The following HMG20B variants were observed in gnomAD, a reference collection of about 807,000 sequenced individuals.
HMG20B encodes the protein high mobility group 20B.
Under a neutral mutation model 41.6 loss-of-function variants are expected in HMG20B, and 24 were observed. The observed-to-expected ratio is 0.58, with a 90% confidence interval of 0.42 to 0.81. The LOEUF (loss-of-function observed/expected upper bound fraction) is 0.81. Among genes scored for constraint, HMG20B ranks in the 30% least tolerant of loss-of-function variants. The pLI, the probability that HMG20B is intolerant of heterozygous loss-of-function variation, is 0.00. For synonymous variants in HMG20B, 251 were observed against 186.6 expected, an observed-to-expected ratio of 1.34 and a Z score of -2.81; for missense variants, 461 against 444.0, an observed-to-expected ratio of 1.04 and a Z score of -0.34.
At chr19:3,576,776 G>A (rs2032170364) in intron 7 of HMG20B, 116 bp from the exon 8 acceptor site, 1 of 1,303,586 alleles carries the variant, frequency 7.7e-7, no homozygotes, top group Non-Finnish European at 1.1e-6. Context: ...GGCTGATGTG[G>A]AGCAGGAGGC....
rs761106950 is a variant in HMG20B at position 3,578,768 on chromosome 19, CCCT to C, written c.*252_*254del. ...AGAAGAACCTCACAGCCGAGGGTGCCCCTCCTCGGAGGACAGCCACGCGCTACA... is the reference window on the plus strand; with the variant it reads ...AGAAGAACCTCACAGCCGAGGGTGCCCCTCGGAGGACAGCCACGCGCTACA... On this transcript the variant is annotated 3_prime_UTR_variant, in exon 10 of 10. Coordinates refer to ENST00000333651, the MANE Select transcript of HMG20B (RefSeq NM_006339.3). 4.0e-6 allele frequency: 3 copies of C among 750,538 alleles called. No individual in the cohort carries two copies. The highest frequency in any genetic ancestry group is 7.2e-6 in the Non-Finnish European group (3 of 415,936). The allele number at this position is 750,538 out of a possible 1,614,324, so 46.5% of individuals were successfully genotyped here.
chr19:3,578,483 T>G, intron 9 of HMG20B, 26 bp from the exon 10 acceptor site: 1 of 1,519,314 alleles, frequency 6.6e-7, no homozygotes, highest in Non-Finnish European at 8.8e-7. Flanking sequence ...GAGGGCCTCA[T>G]CCCGGGCCCT....
intron 5 of HMG20B, 120 bp from the exon 6 acceptor site, chr19:3,576,141 G>C (rs1236459312): frequency 1.2e-6 from 1 of 817,808 alleles, no homozygotes; most frequent in African/African-American, 1.7e-5. Context: ...GATGGGGGAT[G>C]CCCAGACGCG....
rs770110185 is a variant in HMG20B at position 3,578,723 on chromosome 19, A to C, written c.*202A>C. 2.5e-6 allele frequency: 2 copies of C among 797,706 alleles called. No individual in the cohort carries two copies. Among genetic ancestry groups the C allele is most frequent in the Non-Finnish European group, 4.3e-6 (2 of 462,786 alleles). The allele number at this position is 797,706 out of a possible 1,614,324, so 49.4% of individuals were successfully genotyped here. On this transcript the variant is annotated 3_prime_UTR_variant, in exon 10 of 10. Coordinates refer to ENST00000333651, the MANE Select transcript of HMG20B (RefSeq NM_006339.3). ...CCAGCCCCCTGAACCCGGAAAAAGC[A>C]CTCGCTGCGCGATACACCCAGAAGA...
At chr19:3,575,126 G>A (rs947550188) in intron 4 of HMG20B, among the ~76,000 whole-genome samples, 2 of 152,134 alleles carry the variant, frequency 1.3e-5, no homozygotes, top group Non-Finnish European at 1.5e-5. Flanking sequence ...GATTTTTTGC[G>A]AAACCCGATT....
intron 8 of HMG20B, among the ~76,000 whole-genome samples, 187 bp downstream of exon 8, chr19:3,577,294 C>A (rs1393230924): frequency 1.3e-5 from 2 of 148,420 alleles, no homozygotes; most frequent in African/African-American, 2.5e-5. Flanking sequence ...CCTCCCCGAC[C>A]CCCGCACCCC....
intron 7 of HMG20B, 101 bp from the exon 8 acceptor site, chr19:3,576,791 G>A (rs1422233475): frequency 5.2e-6 from 7 of 1,354,542 alleles, no homozygotes; most frequent in Admixed American, 2.0e-5. Context: ...GGAGGCAGAG[G>A]GCGCAGTGAG....
At position 3,574,606 on chromosome 19, in the gene HMG20B, G is replaced by C; in HGVS notation, c.351+20G>C. On this transcript the variant is annotated intron_variant, in intron 4 of 9. Transcript: ENST00000333651. Reference sequence around the variant, plus strand: ...AAGCAGGTGGGCGGGGCGGGGCGCCGAGCAGGGCTGGCGGGGTCCACGGAC... The same window carrying C: ...AAGCAGGTGGGCGGGGCGGGGCGCCCAGCAGGGCTGGCGGGGTCCACGGAC... 6.4e-7 allele frequency: 1 copy of C among 1,569,022 alleles called. No homozygotes were observed. The highest frequency in any genetic ancestry group is 8.6e-7 in the Non-Finnish European group (1 of 1,160,846).
At position 3,578,877 on chromosome 19, in the gene HMG20B, C is replaced by T. The variant is rs769563467; in HGVS notation, c.*356C>T. 3 of 544,894 alleles carry T rather than the reference C, an allele frequency of 5.5e-6. No individual in the cohort carries two copies. The highest frequency in any genetic ancestry group is 2.2e-5 in the Admixed American group (1 of 45,936). The allele number at this position is 544,894 out of a possible 1,614,324, so 33.8% of individuals were successfully genotyped here. A position where few individuals can be genotyped will look rare whatever the true frequency, so the allele number is the denominator to read the frequency against. On this transcript the variant is annotated 3_prime_UTR_variant, in exon 10 of 10. Transcript: ENST00000333651. ...ACGGCAGGACCCCCCAAATTACTCA[C>T]TACGGGGGGCTGTGCCATAGGCCAC...
rs554162055 is a variant in HMG20B, at chr19:3,576,597, C to T, written c.564C>T (p.Phe188=). 1.2e-6 allele frequency: 2 copies of T among 1,613,608 alleles called. No individual in the cohort carries two copies. Among genetic ancestry groups the T allele is most frequent in the East Asian group, 2.2e-5 (1 of 44,874 alleles). Residue 188 remains phenylalanine (F), a synonymous_variant, in exon 7 of 10, where the codon TTC becomes TTT. Transcript: ENST00000333651. ...DGFSTFDVPI[F]TEEFLDQNKA... is the part of the protein sequence containing the mutation. ...TCTCCACCTTCGATGTTCCCATCTT[C>T]ACTGAAGAGTTCTTGGACCAAAACA...
intron 2 of HMG20B, 65 bp downstream of exon 2, chr19:3,573,412 C>T: frequency 7.0e-7 from 1 of 1,428,782 alleles, no homozygotes; most frequent in East Asian, 2.8e-5. Flanking sequence ...AGCTCCTGAA[C>T]CCCTGACCCA....
chr19:3,574,325 C>G (rs955864927), intron 3 of HMG20B, 58 bp from the exon 4 acceptor site: 1 of 1,482,684 alleles, frequency 6.7e-7, no homozygotes, highest in Middle Eastern at 1.7e-4. Context: ...CCATGCCCCT[C>G]TGAGCCCTGC....
At chr19:3,575,394 G>C in intron 4 of HMG20B, 146 bp from the exon 5 acceptor site, 1 of 1,362,970 alleles carries the variant, frequency 7.3e-7, no homozygotes, top group Non-Finnish European at 9.8e-7. Flanking sequence ...GCAACAGGCT[G>C]AGGAGCCGGT....
rs529138124 is a variant in HMG20B at position 3,573,431 on chromosome 19, C to T, written c.38+84C>T. On this transcript the variant is annotated intron_variant, in intron 2 of 9. Transcript: ENST00000333651. ...CCTGAACCCCTGACCCAGTCCCTCC[C>T]GCCGGAGTCTTGACTCCCCCACCTG... is the stretch of plus-strand genomic sequence containing the variant. 7.3e-6 allele frequency: 10 copies of T among 1,370,112 alleles called. No homozygotes were observed. The African/African-American group carries it at 1.2e-4, about 16-fold the overall frequency. The allele number at this position is 1,370,112 out of a possible 1,614,324, so 84.9% of individuals were successfully genotyped here.
In HMG20B at chr19:3,576,953, G is replaced by A. The variant is rs993561542; in HGVS notation, c.654G>A (p.Ala218=). The part of the protein sequence containing the change: ...KMNVAFEEQN[A]VLQRHTQSMS... The stretch of plus-strand genomic sequence containing the variant: ...ATGTGGCCTTCGAGGAGCAGAACGC[G>A]GTACTGCAGAGGCACACGCAGAGCA... The change falls in exon 8 of 10, where the codon GCG becomes GCA. Residue 218 remains alanine, a synonymous_variant. Coordinates refer to ENST00000333651, the MANE Select transcript of HMG20B (RefSeq NM_006339.3). 5 of 1,582,854 alleles carry A rather than the reference G, an allele frequency of 3.2e-6. No homozygotes were observed. The highest frequency in any genetic ancestry group is 3.4e-6 in the Non-Finnish European group (4 of 1,166,016).
At chr19:3,573,600 C>A in intron 2 of HMG20B, 92 bp from the exon 3 acceptor site, 1 of 1,179,574 alleles carries the variant, frequency 8.5e-7, no homozygotes, top group Non-Finnish European at 1.1e-6. Flanking sequence ...CTCGCTGCAG[C>A]CCCGCCGTCG....
intron 2 of HMG20B, 154 bp downstream of exon 2, chr19:3,573,501 C>T: frequency 1.1e-6 from 1 of 933,002 alleles, no homozygotes; most frequent in Non-Finnish European, 1.5e-6. Flanking sequence ...CCCCCCACCT[C>T]GGCCTCCAGT....
At chr19:3,577,735 C>T (rs1599857513) in intron 8 of HMG20B, among the ~76,000 whole-genome samples, 1 of 148,876 alleles carries the variant, frequency 6.7e-6, no homozygotes, top group South Asian at 2.2e-4. Flanking sequence ...TTCCCTCCGT[C>T]CGTGACTGTC....
At chr19:3,574,318 T>C (rs753939550) in intron 3 of HMG20B, 65 bp from the exon 4 acceptor site, 1 of 463,328 alleles carries the variant, frequency 2.2e-6, no homozygotes, top group South Asian at 2.2e-5. Context: ...GCCCCGCCCA[T>C]GCCCCTCTGA....
Sources: gnomAD v4.1 joint callset for allele counts (sites outside exome capture counted in the v4.1 genomes callset) on GRCh38, gnomAD v4.1.1 for gene constraint, MANE v1.5 for transcripts, NCBI Gene and HGNC (gene_info 2026-07-23, HGNC 2026-07-21) for gene names.